The following ERBB4 variants were observed in gnomAD, a reference collection of about 807,000 sequenced individuals.
The protein encoded by ERBB4 is receptor tyrosine-protein kinase erbB-4.
Under a neutral mutation model 158.0 loss-of-function variants are expected in ERBB4, and 42 were observed. That is an observed-to-expected ratio of 0.27 (90% CI 0.21 to 0.34). The LOEUF (loss-of-function observed/expected upper bound fraction) is 0.34, where lower values mean the gene tolerates loss of function less well. Ranked by LOEUF, ERBB4 falls within the 10% of genes least tolerant of loss-of-function variation. The probability of loss-of-function intolerance (pLI) is 1.00; values close to 1 mark genes in which losing one functional copy is unlikely to be tolerated. For synonymous variants in ERBB4, 583 were observed against 558.7 expected, an observed-to-expected ratio of 1.04 and a Z score of -0.61; for missense variants, 1,333 against 1,624.1, an observed-to-expected ratio of 0.82 and a Z score of 3.08.
chr2:212,109,202 T>G (rs2079325614), intron 2 of ERBB4, among the ~76,000 whole-genome samples: 1 of 152,188 alleles, frequency 6.6e-6, no homozygotes, highest in African/African-American at 2.4e-5. Context: ...GTGGTGCCAA[T>G]GGCCCGGTTC....
At chr2:211,708,953 A>C (rs958385173) in intron 9 of ERBB4, among the ~76,000 whole-genome samples, 1 of 152,050 alleles carries the variant, frequency 6.6e-6, no homozygotes, top group African/African-American at 2.4e-5. Flanking sequence ...CTCATTTTCT[A>C]AGTTTATGTT....
At chr2:212,074,887 C>T (rs1474094366) in intron 2 of ERBB4, among the ~76,000 whole-genome samples, 1 of 151,914 alleles carries the variant, frequency 6.6e-6, no homozygotes, top group Non-Finnish European at 1.5e-5. Context: ...TTTCCTCTAA[C>T]CAAACAATAT....
intron 2 of ERBB4, among the ~76,000 whole-genome samples, chr2:211,956,325 AAAAG>A (rs1321966306): frequency 6.6e-6 from 1 of 152,128 alleles, no homozygotes; most frequent in African/African-American, 2.4e-5. Context: ...AGCTGAAGTA[AAAAG>A]AAATTATTAG....
chr2:211,734,127 A>T (rs2074523323), intron 5 of ERBB4, among the ~76,000 whole-genome samples: 1 of 152,216 alleles, frequency 6.6e-6, no homozygotes, highest in African/African-American at 2.4e-5. Context: ...TAAAATTAAA[A>T]AAAGAACATC....
chr2:211,937,544 A>T (rs1368154765), intron 3 of ERBB4, among the ~76,000 whole-genome samples: 1 of 152,138 alleles, frequency 6.6e-6, no homozygotes, highest in Non-Finnish European at 1.5e-5. Flanking sequence ...TAAAGATAAG[A>T]GATTTAATTG....
In ERBB4 at chr2:211,421,998, T is replaced by C; in HGVS notation, c.2964+9A>G. ...CCTAGTCTTAAAGGCATAAGTCAAA[T>C]GTACTCACCTGAATAACTAGGTATC... On this transcript the variant is annotated intron_variant, in intron 24 of 27. Coordinates refer to ENST00000342788, the MANE Select transcript of ERBB4 (RefSeq NM_005235.3). The C allele has an allele frequency of 6.4e-7, 1 of 1,564,406 alleles. No individual in the cohort carries two copies.
intron 1 of ERBB4, among the ~76,000 whole-genome samples, chr2:212,508,256 T>C (rs1023704508): frequency 3.3e-5 from 5 of 152,236 alleles, no homozygotes; most frequent in African/African-American, 1.2e-4. Context: ...ACTTGCTTTA[T>C]TGTGATACTC....
rs62185368 is a variant in ERBB4, at chr2:211,662,499, C to T, written c.1871+2824G>A. 7.8e-3 allele frequency among the ~76,000 whole-genome samples: 1,194 copies of T among 152,256 alleles called. 6 individuals are homozygous for T. The highest frequency in any genetic ancestry group is 0.014 in the Middle Eastern group (4 of 294). On this transcript the variant is annotated intron_variant, in intron 15 of 27. Transcript: ENST00000342788. ...ACTGTGAGTTCATTGAGGTCAGAAG[C>T]TGTGTCTTGTTCATTTCTGAATTTT...
chr2:211,650,107 T>C (rs1172829257), intron 16 of ERBB4, among the ~76,000 whole-genome samples: 2 of 151,980 alleles, frequency 1.3e-5, no homozygotes, highest in Non-Finnish European at 2.9e-5. Context: ...TTAATTATAT[T>C]CCCCTAGTTA....
intron 5 of ERBB4, among the ~76,000 whole-genome samples, chr2:211,746,838 A>C (rs1171748906): frequency 2.0e-5 from 3 of 151,872 alleles, no homozygotes; most frequent in Non-Finnish European, 4.4e-5. Flanking sequence ...AAAAAAAAAA[A>C]AAAAAAAAAC....
chr2:212,283,617 C>T (rs2085843539), intron 1 of ERBB4, among the ~76,000 whole-genome samples: 1 of 151,820 alleles, frequency 6.6e-6, no homozygotes, highest in South Asian at 2.1e-4. Context: ...TCATGCAATG[C>T]TAGTTTAAAT....
intron 1 of ERBB4, among the ~76,000 whole-genome samples, chr2:212,285,190 A>C (rs7583388): frequency 0.98 from 149,553 of 152,216 alleles, 73,587 homozygotes; most frequent in Middle Eastern, 1. Flanking sequence ...CAAAACAGAG[A>C]TAATCATTCA....
At chr2:212,184,057 C>A (rs547147368) in intron 1 of ERBB4, among the ~76,000 whole-genome samples, 2 of 152,090 alleles carry the variant, frequency 1.3e-5, no homozygotes, top group Non-Finnish European at 2.9e-5. Context: ...ATTTTGATAA[C>A]TGCTTTTCTC....
At chr2:211,903,724 A>AT (rs2079299295) in intron 3 of ERBB4, among the ~76,000 whole-genome samples, 1 of 151,940 alleles carries the variant, frequency 6.6e-6, no homozygotes, top group African/African-American at 2.4e-5. Context: ...CAATATACTG[A>AT]TAAAAAAAGA....
intron 12 of ERBB4, among the ~76,000 whole-genome samples, chr2:211,688,193 C>T (rs75076649): frequency 0.021 from 3,234 of 152,286 alleles, 113 homozygotes; most frequent in African/African-American, 0.075. Context: ...TCTGGTGCTC[C>T]TCAGCCTATG....
chr2:211,669,216 C>CAAAAAAAA (rs71054124), intron 14 of ERBB4, among the ~76,000 whole-genome samples: 143 of 55,808 alleles, frequency 2.6e-3, no homozygotes, highest in African/African-American at 3.4e-3. Flanking sequence ...GAGTGAGTCT[C>CAAAAAAAA]AAAAAAAAAA....
At chr2:211,426,078 C>T (rs1030663554) in intron 22 of ERBB4, among the ~76,000 whole-genome samples, 4 of 151,290 alleles carry the variant, frequency 2.6e-5, no homozygotes, top group African/African-American at 9.7e-5. Flanking sequence ...GAACTCCCAA[C>T]ATAAGCAAGA....
At chr2:212,506,959 G>A (rs1691227341) in intron 1 of ERBB4, among the ~76,000 whole-genome samples, 1 of 152,178 alleles carries the variant, frequency 6.6e-6, no homozygotes, top group Admixed American at 6.5e-5. Flanking sequence ...TTCATAGAAA[G>A]AAGTCAATGC....
chr2:211,608,715 G>A (rs1201175957), intron 19 of ERBB4, among the ~76,000 whole-genome samples: 1 of 152,094 alleles, frequency 6.6e-6, no homozygotes, highest in Admixed American at 6.6e-5. Context: ...CCTGGCTTTG[G>A]TGTGCAGTTG....
Sources: gnomAD v4.1 joint callset for allele counts (sites outside exome capture counted in the v4.1 genomes callset) on GRCh38, gnomAD v4.1.1 for gene constraint, MANE v1.5 for transcripts, NCBI Gene and HGNC (gene_info 2026-07-23, HGNC 2026-07-21) for gene names.